Variants in KAZN observed in about 807,000 individuals in gnomAD.
The protein encoded by KAZN is kazrin.
KAZN carries 40 observed loss-of-function variants against 87.4 expected under a neutral mutation model. The observed-to-expected ratio is 0.46, with a 90% confidence interval of 0.36 to 0.60. The LOEUF is 0.60. Ranked by LOEUF, KAZN falls within the 20% of genes least tolerant of loss-of-function variation. The pLI is 0.00. For missense variants in KAZN, 898 were observed against 1,073.9 expected, an observed-to-expected ratio of 0.84 and a Z score of 2.29; for synonymous variants, 466 against 458.3, an observed-to-expected ratio of 1.02 and a Z score of -0.22.
chr1:14,450,343 C>A (rs897461536), intron 2 of KAZN, among the ~76,000 whole-genome samples: 4 of 152,204 alleles, frequency 2.6e-5, no homozygotes, highest in African/African-American at 9.7e-5. Context: ...AATCCCAACA[C>A]TTTCGGAGGC....
In KAZN at chr1:14,777,380, G is replaced by A. The variant is rs187551904; in HGVS notation, c.226+178157G>A. Among the ~76,000 whole-genome samples the A allele has an allele frequency of 2.0e-5, 3 of 152,282 alleles. No individual in the cohort carries two copies. The East Asian group carries it at 5.8e-4, about 29-fold the overall frequency. Reference sequence around the variant, plus strand: ...GCCTCATGATACGTAGCTAATGAGAGTACTAATAAGAGGTCTAGCTGACCC... The same window carrying A: ...GCCTCATGATACGTAGCTAATGAGAATACTAATAAGAGGTCTAGCTGACCC... On this transcript the variant is annotated intron_variant, in intron 1 of 14. Transcript: ENST00000376030.
intron 2 of KAZN, among the ~76,000 whole-genome samples, chr1:14,189,466 C>G (rs1646379086): frequency 6.6e-6 from 1 of 152,152 alleles, no homozygotes; most frequent in African/African-American, 2.4e-5. Context: ...TTCTATACTT[C>G]CTGTAAGTCT....
chr1:14,072,367 C>A (rs1404680451), intron 1 of KAZN, among the ~76,000 whole-genome samples: 1 of 152,076 alleles, frequency 6.6e-6, no homozygotes, highest in Non-Finnish European at 1.5e-5. Flanking sequence ...AGGGCAAGCC[C>A]CAGCTGTGGT....
chr1:14,416,806 G>A (rs1248783450), intron 2 of KAZN, among the ~76,000 whole-genome samples: 1 of 151,824 alleles, frequency 6.6e-6, no homozygotes, highest in East Asian at 1.9e-4. Flanking sequence ...AAAAAACCCA[G>A]CTGCATGTGG....
At chr1:14,349,866 G>A (rs989169612) in intron 2 of KAZN, among the ~76,000 whole-genome samples, 17 of 152,124 alleles carry the variant, frequency 1.1e-4, no homozygotes, top group Non-Finnish European at 4.4e-5. Flanking sequence ...GCCCGGTGCG[G>A]TGGCTCACGC....
intron 1 of KAZN, among the ~76,000 whole-genome samples, chr1:14,699,771 G>A (rs1641819108): frequency 6.6e-6 from 1 of 152,168 alleles, no homozygotes; most frequent in Admixed American, 6.5e-5. Context: ...AAAGAATCAG[G>A]TCTGATTTGC....
intron 2 of KAZN, among the ~76,000 whole-genome samples, chr1:15,006,289 A>C (rs1428720514): frequency 6.6e-6 from 1 of 152,210 alleles, no homozygotes; most frequent in Non-Finnish European, 1.5e-5. Flanking sequence ...GTTTGAGCTA[A>C]ATCTTTGCTA....
chr1:15,006,912 CCGGGCATGGTGG>C (rs1669064277), intron 2 of KAZN, among the ~76,000 whole-genome samples: 1 of 151,952 alleles, frequency 6.6e-6, no homozygotes, highest in Admixed American at 6.6e-5. Context: ...AAAAAACTAG[CCGGGCATGGTGG>C]CGGGCACCTG....
intron 2 of KAZN, among the ~76,000 whole-genome samples, chr1:14,291,233 T>C (rs1042077852): frequency 3.9e-5 from 6 of 152,154 alleles, no homozygotes; most frequent in Non-Finnish European, 8.8e-5. Context: ...CAGACAGGGA[T>C]GTTTAAGTCT....
At chr1:15,047,923 C>T (rs960045956) in intron 4 of KAZN, among the ~76,000 whole-genome samples, 4 of 152,168 alleles carry the variant, frequency 2.6e-5, no homozygotes, top group African/African-American at 9.7e-5. Context: ...TGCCCTGTGG[C>T]CCATCTTGGG....
intron 1 of KAZN, among the ~76,000 whole-genome samples, chr1:13,927,994 C>T (rs936377188): frequency 2.0e-5 from 3 of 152,160 alleles, no homozygotes; most frequent in African/African-American, 4.8e-5. Flanking sequence ...AAAAGAGAGC[C>T]GAGTCAATGG....
intron 2 of KAZN, among the ~76,000 whole-genome samples, chr1:15,002,537 C>A (rs564786998): frequency 6.6e-6 from 1 of 152,292 alleles, no homozygotes; most frequent in South Asian, 2.1e-4. Flanking sequence ...CTCTGAATGA[C>A]CTTGGGTGGG....
At chr1:14,419,301 A>G (rs147972060) in intron 2 of KAZN, among the ~76,000 whole-genome samples, 65 of 152,270 alleles carry the variant, frequency 4.3e-4, no homozygotes, top group African/African-American at 1.1e-3. Flanking sequence ...CAAAAGAAAG[A>G]AAGGCCGGGT....
At chr1:14,098,996 A>T (rs77479626) in intron 1 of KAZN, among the ~76,000 whole-genome samples, 6 of 152,144 alleles carry the variant, frequency 3.9e-5, no homozygotes, top group African/African-American at 1.4e-4. Flanking sequence ...GTCAGGGTTT[A>T]GGGTTTGGAG....
chr1:14,282,323 A>C (rs1652902610), intron 2 of KAZN, among the ~76,000 whole-genome samples: 2 of 152,168 alleles, frequency 1.3e-5, no homozygotes, highest in Non-Finnish European at 2.9e-5. Flanking sequence ...TTACAACTCC[A>C]ACCTGAAAGA....
At chr1:14,577,193 A>C (rs923704236) in intron 2 of KAZN, among the ~76,000 whole-genome samples, 1 of 152,206 alleles carries the variant, frequency 6.6e-6, no homozygotes, top group Non-Finnish European at 1.5e-5. Flanking sequence ...TGAGAGCATA[A>C]AATACATCTG....
At chr1:14,719,075 GCCATAGGA>G (rs1642957622) in intron 1 of KAZN, among the ~76,000 whole-genome samples, 1 of 152,062 alleles carries the variant, frequency 6.6e-6, no homozygotes, top group African/African-American at 2.4e-5. Flanking sequence ...ACCCACAGTC[GCCATAGGA>G]CCAACCCACA....
At chr1:14,050,316 C>G (rs1472741250) in intron 1 of KAZN, among the ~76,000 whole-genome samples, 2 of 152,184 alleles carry the variant, frequency 1.3e-5, no homozygotes, top group African/African-American at 4.8e-5. Context: ...AAAGGCCAGA[C>G]CAACAGCTGA....
intron 1 of KAZN, among the ~76,000 whole-genome samples, chr1:14,668,848 C>T (rs1045491811): frequency 7.2e-5 from 11 of 152,284 alleles, no homozygotes; most frequent in African/African-American, 2.4e-4. Context: ...CTGCAGCTCA[C>T]GCAGCTTGAC....
Sources: allele counts gnomAD v4.1 joint callset (sites outside exome capture counted in the v4.1 genomes callset), GRCh38; gene constraint gnomAD v4.1.1; transcripts MANE v1.5; gene names NCBI Gene and HGNC (gene_info 2026-07-23, HGNC 2026-07-21).